The following ATG7 variants were observed in gnomAD, a reference collection of about 807,000 sequenced individuals.
ATG7 encodes autophagy related 7.
ATG7 carries 70 observed loss-of-function variants against 82.4 expected under a neutral mutation model. The observed-to-expected ratio is 0.85, with a 90% CI of 0.70 to 1.04. The LOEUF is 1.04. Among genes scored for constraint, ATG7 ranks in the 50% least tolerant of loss-of-function variants. The pLI is 0.00. For missense variants in ATG7, 792 were observed against 864.3 expected, an observed-to-expected ratio of 0.92 and a Z score of 1.05; for synonymous variants, 287 against 313.0, an observed-to-expected ratio of 0.92 and a Z score of 0.88.
At chr3:11,327,788 G>A (rs1370880540) in intron 9 of ATG7, among the ~76,000 whole-genome samples, 4 of 152,188 alleles carry the variant, frequency 2.6e-5, no homozygotes, top group African/African-American at 7.2e-5. Flanking sequence ...TTGAGGAGGA[G>A]CAGTGCTTCT....
rs775424209 is a variant in ATG7 at position 11,360,538 on chromosome 3, A to G, written c.1480-43A>G. The G allele has an allele frequency of 7.7e-6, 12 of 1,565,108 alleles. No homozygotes were observed. The South Asian group carries it at 1.0e-4, about 13-fold the overall frequency. ...TGGAATTAGCCACAGCTTGAAATAT[A>G]TGTGTCTTTTAACTCTGCTCTTTCA... is the stretch of plus-strand genomic sequence containing the variant. On this transcript the variant is annotated intron_variant, in intron 15 of 20. Transcript: ENST00000693202.
At chr3:11,518,836 T>C (rs1318383739) in intron 20 of ATG7, among the ~76,000 whole-genome samples, 1 of 152,178 alleles carries the variant, frequency 6.6e-6, no homozygotes, top group Admixed American at 6.5e-5. Flanking sequence ...TTTCTGAAAG[T>C]ATTGAATTCA....
At chr3:11,329,846 G>C (rs1951396426) in intron 9 of ATG7, among the ~76,000 whole-genome samples, 1 of 152,086 alleles carries the variant, frequency 6.6e-6, no homozygotes, top group Non-Finnish European at 1.5e-5. Flanking sequence ...GATTTCACCA[G>C]TTTTTTCCTG....
At chr3:11,425,118 A>G (rs73017695) in intron 19 of ATG7, among the ~76,000 whole-genome samples, 6,242 of 152,208 alleles carry the variant, frequency 0.041, 171 homozygotes, top group Middle Eastern at 0.095. Flanking sequence ...GCACTCCACC[A>G]TGCCTGGCTA....
At chr3:11,364,812 G>A (rs1036220141) in intron 18 of ATG7, 78 bp downstream of exon 18, 1 of 1,489,994 alleles carries the variant, frequency 6.7e-7, no homozygotes, top group Non-Finnish European at 9.3e-7. Flanking sequence ...CATTCCATCT[G>A]CCCAGCCCAC....
chr3:11,330,393 T>C (rs1422642069), intron 9 of ATG7, among the ~76,000 whole-genome samples: 1 of 152,210 alleles, frequency 6.6e-6, no homozygotes, highest in Non-Finnish European at 1.5e-5. Context: ...TTTTATACTT[T>C]GGGTTATAAT....
intron 19 of ATG7, among the ~76,000 whole-genome samples, chr3:11,413,418 T>A (rs963248158): frequency 6.6e-6 from 1 of 152,158 alleles, no homozygotes; most frequent in African/African-American, 2.4e-5. Flanking sequence ...TCGAGATGAT[T>A]GTGTGGCTTC....
At chr3:11,341,764 G>A (rs1223433092) in intron 12 of ATG7, among the ~76,000 whole-genome samples, 1 of 152,146 alleles carries the variant, frequency 6.6e-6, no homozygotes, top group Non-Finnish European at 1.5e-5. Flanking sequence ...CAGGAGATAT[G>A]GGAGGCCTTA....
chr3:11,519,281 G>T (rs2092368596), intron 20 of ATG7, among the ~76,000 whole-genome samples: 1 of 151,998 alleles, frequency 6.6e-6, no homozygotes, highest in African/African-American at 2.4e-5. Context: ...AAGGAACTTG[G>T]GTACTATCAT....
chr3:11,383,930 C>T (rs988099472), intron 19 of ATG7, among the ~76,000 whole-genome samples: 7 of 152,070 alleles, frequency 4.6e-5, no homozygotes, highest in South Asian at 2.1e-4. Context: ...AAAACAACTC[C>T]GTAAGTTTTA....
At chr3:11,408,863 T>C (rs1428339727) in intron 19 of ATG7, among the ~76,000 whole-genome samples, 1 of 152,176 alleles carries the variant, frequency 6.6e-6, no homozygotes, top group Admixed American at 6.5e-5. Flanking sequence ...CAAATCCATA[T>C]TAGTCTCCCA....
intron 19 of ATG7, among the ~76,000 whole-genome samples, chr3:11,402,461 G>A (rs1038640034): frequency 1.3e-5 from 2 of 152,024 alleles, no homozygotes; most frequent in African/African-American, 2.4e-5. Flanking sequence ...AGAAATACTG[G>A]ATAAGCTAGG....
chr3:11,345,897 T>C (rs973935782), intron 13 of ATG7, among the ~76,000 whole-genome samples: 13 of 152,190 alleles, frequency 8.5e-5, no homozygotes, highest in African/African-American at 3.1e-4. Context: ...ATAGAAAATA[T>C]AAAAGTCATA....
Position 11,331,326 on chromosome 3 carries a change from T to A in ATG7, c.679-14T>A. The A allele has an allele frequency of 6.3e-7, 1 of 1,593,450 alleles. No homozygotes were observed. The highest frequency in any genetic ancestry group is 8.6e-7 in the Non-Finnish European group (1 of 1,161,682). ...TGATACTCGACTTACTCAGAAAGTCTTTTTTGTTCACAGATAACAATTGGT... is the reference window on the plus strand; with the variant it reads ...TGATACTCGACTTACTCAGAAAGTCATTTTTGTTCACAGATAACAATTGGT... On this transcript the variant is annotated splice_polypyrimidine_tract_variant and intron_variant, in intron 9 of 20. Coordinates refer to ENST00000693202, the MANE Select transcript of ATG7 (RefSeq NM_001349232.2).
intron 5 of ATG7, among the ~76,000 whole-genome samples, chr3:11,302,809 A>G (rs1158757093): frequency 6.6e-6 from 1 of 152,228 alleles, no homozygotes; most frequent in Middle Eastern, 3.4e-3. Context: ...AGTCTCTTCT[A>G]CTCTGTGCCC....
intron 20 of ATG7, among the ~76,000 whole-genome samples, chr3:11,481,069 G>A (rs1164329543): frequency 5.3e-5 from 8 of 152,232 alleles, no homozygotes; most frequent in Admixed American, 4.6e-4. Context: ...TTATGTAATA[G>A]TTGATCCTCT....
chr3:11,390,588 T>C (rs1382214469), intron 19 of ATG7, among the ~76,000 whole-genome samples: 1 of 152,188 alleles, frequency 6.6e-6, no homozygotes, highest in African/African-American at 2.4e-5. Flanking sequence ...TCTGTTCTTC[T>C]TGGGAAATTG....
chr3:11,567,253 CAAACAA>C, the ATG7 span, among the ~76,000 whole-genome samples: 1 of 152,156 alleles, frequency 6.6e-6, no homozygotes, highest in African/African-American at 2.4e-5. Context: ...AAACAGCACA[CAAACAA>C]AAACAATCAG....
downstream of ATG7, among the ~76,000 whole-genome samples, chr3:11,559,120 C>T (rs1255827138): frequency 1.3e-5 from 2 of 152,212 alleles, no homozygotes. Flanking sequence ...GGCATGAGAC[C>T]CTGGAACTGA....
Sources: allele counts gnomAD v4.1 joint callset (sites outside exome capture counted in the v4.1 genomes callset), GRCh38; gene constraint gnomAD v4.1.1; transcripts MANE v1.5; gene names NCBI Gene and HGNC (gene_info 2026-07-23, HGNC 2026-07-21).